Variants in STK24 observed in about 807,000 individuals in gnomAD.
STK24 encodes serine/threonine kinase 24.
A neutral mutation model predicts 55.6 loss-of-function variants in STK24; 21 were observed. The ratio of observed to expected loss-of-function variants is 0.38; its 90% CI spans 0.27 to 0.54. The LOEUF (loss-of-function observed/expected upper bound fraction) is 0.54. Ranked by LOEUF, STK24 falls within the 20% of genes least tolerant of loss-of-function variation. STK24 has a pLI of 0.79. For missense variants in STK24, 383 were observed against 538.4 expected (o/e 0.71, Z 2.86); for synonymous variants, 200 against 215.2 (o/e 0.93, Z 0.62).
At chr13:98,458,918 T>C (rs1893583151) in intron 9 of STK24, among the ~76,000 whole-genome samples, 1 of 152,222 alleles carries the variant, frequency 6.6e-6, no homozygotes, top group Non-Finnish European at 1.5e-5. Flanking sequence ...CACTCTGAAC[T>C]CTAGGGTAGC....
At chr13:98,478,846 A>C (rs1322388327) in intron 3 of STK24, among the ~76,000 whole-genome samples, 1 of 152,138 alleles carries the variant, frequency 6.6e-6, no homozygotes, top group Non-Finnish European at 1.5e-5. Context: ...TTCTGGTCTC[A>C]GGCCCTCTGT....
intron 5 of STK24, among the ~76,000 whole-genome samples, chr13:98,468,483 CAGG>C (rs879259528): frequency 6.6e-6 from 1 of 152,162 alleles, no homozygotes; most frequent in Non-Finnish European, 1.5e-5. Context: ...GTGGCAGCGA[CAGG>C]AGGACAGGAG....
chr13:98,457,365 T>A, intron 9 of STK24, 61 bp from the exon 10 acceptor site: 1 of 1,611,160 alleles, frequency 6.2e-7, no homozygotes, highest in Admixed American at 1.7e-5. Flanking sequence ...CTGGGAAGCA[T>A]GCTGTTCAAG....
chr13:98,474,037 A>G (rs1444215558), intron 5 of STK24, among the ~76,000 whole-genome samples: 2 of 152,230 alleles, frequency 1.3e-5, no homozygotes, highest in African/African-American at 4.8e-5. Context: ...TCCGTGGATC[A>G]TGTGGCCTTT....
intron 1 of STK24, among the ~76,000 whole-genome samples, chr13:98,535,824 C>G (rs1436512062): frequency 6.6e-6 from 1 of 152,206 alleles, no homozygotes; most frequent in African/African-American, 2.4e-5. Context: ...CCAGAGGCAC[C>G]TAAGTGGCAA....
At chr13:98,487,959 C>G (rs140786621) in intron 2 of STK24, among the ~76,000 whole-genome samples, 1 of 152,164 alleles carries the variant, frequency 6.6e-6, no homozygotes, top group Non-Finnish European at 1.5e-5. Flanking sequence ...ACAGTGTCAT[C>G]AAGTTTTATT....
intron 1 of STK24, among the ~76,000 whole-genome samples, chr13:98,529,121 T>A (rs1896511257): frequency 6.6e-6 from 1 of 152,126 alleles, no homozygotes; most frequent in African/African-American, 2.4e-5. Context: ...CACAGACCCA[T>A]GCTGGTGGCT....
intron 3 of STK24, among the ~76,000 whole-genome samples, chr13:98,476,245 C>CCT (rs201084990): frequency 6.9e-6 from 1 of 145,790 alleles, no homozygotes; most frequent in Admixed American, 6.8e-5. Flanking sequence ...GGGAAGCCCC[C>CCT]CCCCGCCCCC....
chr13:98,554,097 G>T (rs544499860), intron 1 of STK24, among the ~76,000 whole-genome samples: 4 of 151,556 alleles, frequency 2.6e-5, no homozygotes, highest in Non-Finnish European at 5.9e-5. Flanking sequence ...AGGAAAGAAG[G>T]GGGAGGAAGC....
At chr13:98,522,369 T>TA (rs1566384148) in intron 1 of STK24, among the ~76,000 whole-genome samples, 1 of 152,174 alleles carries the variant, frequency 6.6e-6, no homozygotes. Flanking sequence ...CAGAACCACC[T>TA]AGGACATCTG....
chr13:98,556,724 G>C (rs770727418), intron 1 of STK24, among the ~76,000 whole-genome samples: 1 of 152,106 alleles, frequency 6.6e-6, no homozygotes, highest in African/African-American at 2.4e-5. Flanking sequence ...GCTTCTACCC[G>C]ATTTTTGCAG....
intron 5 of STK24, among the ~76,000 whole-genome samples, chr13:98,469,507 G>A (rs537377897): frequency 6.6e-6 from 1 of 150,946 alleles, no homozygotes; most frequent in African/African-American, 2.4e-5. Flanking sequence ...GAGATCATAA[G>A]TCTGGGTGAC....
chr13:98,511,874 A>C (rs1311842344), intron 2 of STK24, among the ~76,000 whole-genome samples: 1 of 151,158 alleles, frequency 6.6e-6, no homozygotes. Context: ...ACATAGGACT[A>C]TACATCCAAG....
chr13:98,551,445 TTC>T (rs1313805934), intron 1 of STK24, among the ~76,000 whole-genome samples: 2 of 151,862 alleles, frequency 1.3e-5, no homozygotes, highest in African/African-American at 4.8e-5. Context: ...CCGTCATACT[TTC>T]TCTTTTTTTT....
chr13:98,496,758 C>T (rs1251342880), intron 2 of STK24, among the ~76,000 whole-genome samples: 1 of 152,230 alleles, frequency 6.6e-6, no homozygotes, highest in Non-Finnish European at 1.5e-5. Context: ...ACCCAAAACC[C>T]ATTCCTTTAG....
chr13:98,502,874 T>A lies in STK24; in HGVS notation c.273+16369A>T, dbSNP rs377689692. 2.8e-4 allele frequency among the ~76,000 whole-genome samples: 43 copies of A among 152,316 alleles called. No homozygotes were observed. In the South Asian group the frequency reaches 8.5e-3, roughly 30 times the overall value. On this transcript the variant is annotated intron_variant, in intron 2 of 10. Coordinates refer to ENST00000539966, the MANE Select transcript of STK24 (RefSeq NM_001032296.4). ...AGGGAGAAGACAGCACTGGGAATCC[T>A]AATTTCTTTGGATATGTGAAATTCC...
chr13:98,473,762 G>A (rs1240714292), intron 5 of STK24, among the ~76,000 whole-genome samples: 1 of 152,220 alleles, frequency 6.6e-6, no homozygotes, highest in Non-Finnish European at 1.5e-5. Context: ...CAGTGAGACG[G>A]GCTCACTCCT....
At chr13:98,520,086 C>T (rs1392646336) in intron 1 of STK24, among the ~76,000 whole-genome samples, 1 of 152,214 alleles carries the variant, frequency 6.6e-6, no homozygotes, top group Non-Finnish European at 1.5e-5. Context: ...TCTTAACCAC[C>T]TGATTAGTTA....
chr13:98,572,558 G>A (rs528116395), intron 1 of STK24, among the ~76,000 whole-genome samples: 40 of 152,148 alleles, frequency 2.6e-4, no homozygotes, highest in Non-Finnish European at 4.6e-4. Flanking sequence ...GGCTTCCCTA[G>A]GGTGGAGCAG....
Sources: allele counts gnomAD v4.1 joint callset (sites outside exome capture counted in the v4.1 genomes callset), GRCh38; gene constraint gnomAD v4.1.1; transcripts MANE v1.5; gene names NCBI Gene and HGNC (gene_info 2026-07-23, HGNC 2026-07-21).